MTDH: variants seen among roughly 807,000 people sequenced by gnomAD.
The protein encoded by MTDH is metadherin, also known as protein LYRIC.
MTDH carries 34 observed loss-of-function variants against 72.7 expected under a neutral mutation model. The ratio of observed to expected loss-of-function variants is 0.47; its 90% CI spans 0.36 to 0.62. MTDH has a LOEUF of 0.62. Among genes scored for constraint, MTDH ranks in the 20% least tolerant of loss-of-function variants. The pLI is 0.00. For missense variants in MTDH, 677 were observed against 699.4 expected, an observed-to-expected ratio of 0.97 and a Z score of 0.36; for synonymous variants, 266 against 268.9, an observed-to-expected ratio of 0.99 and a Z score of 0.10.
At chr8:97,676,174 A>G (rs547838170) in intron 2 of MTDH, among the ~76,000 whole-genome samples, 3 of 152,258 alleles carry the variant, frequency 2.0e-5, no homozygotes, top group East Asian at 1.9e-4. Context: ...TCCTGGATGC[A>G]TGTGTTCCTC....
intron 2 of MTDH, among the ~76,000 whole-genome samples, chr8:97,665,219 C>T (rs1029711819): frequency 1.3e-5 from 2 of 152,082 alleles, no homozygotes; most frequent in African/African-American, 4.8e-5. Context: ...TATTGATTAC[C>T]TTGCCATATC....
Position 97,723,049 on chromosome 8 carries a change from A to AT in MTDH, c.1678+20dup. On this transcript the variant is annotated intron_variant, in intron 11 of 11. Coordinates refer to ENST00000336273, the MANE Select transcript of MTDH (RefSeq NM_178812.4). ...CTCCTTCACAGAGTAAGTAATCCTC[A>AT]TTTTTTGTTCCTTTGTACTGTTTAC... is the stretch of plus-strand genomic sequence containing the variant. The AT allele has an allele frequency of 6.2e-7, 1 of 1,611,108 alleles. No individual in the cohort carries two copies. Among genetic ancestry groups the AT allele is most frequent in the South Asian group, 1.1e-5 (1 of 90,604 alleles).
Position 97,687,517 on chromosome 8 carries a change from A to G in MTDH, c.657A>G (p.Ser219=). The G allele has an allele frequency of 1.2e-6, 2 of 1,613,746 alleles. No individual in the cohort carries two copies. The highest frequency in any genetic ancestry group is 1.7e-6 in the Non-Finnish European group (2 of 1,179,786). ...TGACTGATTCTGGTTCATTGGATTC[A>G]ACTATCCCTGGGATAGAAAATACCA... is the stretch of plus-strand genomic sequence containing the variant. ...KVLTDSGSLD[S]TIPGIENTIT... is the part of the protein sequence containing the mutation. The change falls in exon 4 of 12, where the codon TCA becomes TCG. Residue 219 remains serine, a synonymous_variant. Transcript: ENST00000336273.
chr8:97,675,946 T>G (rs1277510169), intron 2 of MTDH, among the ~76,000 whole-genome samples: 2 of 151,808 alleles, frequency 1.3e-5, no homozygotes, highest in African/African-American at 2.4e-5. Context: ...TAGGTTTTTT[T>G]TTTTTTTTTT....
chr8:97,677,004 CA>C (rs57430782), intron 2 of MTDH, among the ~76,000 whole-genome samples: 288 of 23,308 alleles, frequency 0.012, 6 homozygotes, highest in Admixed American at 0.021. Flanking sequence ...GACTCTATCT[CA>C]AAAAAAAAAA....
intron 2 of MTDH, among the ~76,000 whole-genome samples, chr8:97,679,048 T>C (rs963133900): frequency 6.6e-6 from 1 of 152,160 alleles, no homozygotes; most frequent in Non-Finnish European, 1.5e-5. Context: ...AAAAATAGCC[T>C]AACAGCCCAG....
chr8:97,671,520 A>G (rs1221766520), intron 2 of MTDH, among the ~76,000 whole-genome samples: 1 of 152,140 alleles, frequency 6.6e-6, no homozygotes, highest in African/African-American at 2.4e-5. Context: ...ATAAATTAAT[A>G]TATCTAAACA....
chr8:97,704,145 GT>G (rs1814252212), intron 7 of MTDH, among the ~76,000 whole-genome samples: 3 of 152,054 alleles, frequency 2.0e-5, no homozygotes, highest in Admixed American at 2.0e-4. Context: ...AAATTCTTAT[GT>G]TGTCTCTCCC....
At chr8:97,696,603 A>G (rs757306749) in intron 6 of MTDH, among the ~76,000 whole-genome samples, 3 of 152,208 alleles carry the variant, frequency 2.0e-5, no homozygotes, top group Non-Finnish European at 4.4e-5. Context: ...TAGTCCTGCC[A>G]TACTTTTAGT....
intron 2 of MTDH, among the ~76,000 whole-genome samples, chr8:97,672,535 A>G (rs1812666202): frequency 6.6e-6 from 1 of 152,218 alleles, no homozygotes; most frequent in African/African-American, 2.4e-5. Context: ...AGAATACCAT[A>G]CCAGGAAAAC....
At chr8:97,716,082 A>G (rs1220431008) in intron 9 of MTDH, among the ~76,000 whole-genome samples, 1 of 152,168 alleles carries the variant, frequency 6.6e-6, no homozygotes, top group Non-Finnish European at 1.5e-5. Context: ...CATAGCACAT[A>G]TATCCTATTA....
intron 2 of MTDH, among the ~76,000 whole-genome samples, chr8:97,682,182 CTAT>C (rs1261744810): frequency 8.7e-6 from 1 of 114,892 alleles, no homozygotes; most frequent in African/African-American, 3.4e-5. Flanking sequence ...TTTTCATAAG[CTAT>C]TATTTTATTT....
chr8:97,700,244 G>T (rs956249555), intron 7 of MTDH, among the ~76,000 whole-genome samples: 1 of 151,772 alleles, frequency 6.6e-6, no homozygotes, highest in Non-Finnish European at 1.5e-5. Flanking sequence ...TAACCCAGTT[G>T]CCAGTAGAAG....
chr8:97,720,361 G>C lies in MTDH; in HGVS notation c.1521+1172G>C, dbSNP rs1289455869. Among the ~76,000 whole-genome samples, 4 of 151,708 alleles carry C rather than the reference G, an allele frequency of 2.6e-5. No individual in the cohort carries two copies. In the South Asian group the frequency reaches 8.3e-4, roughly 32 times the overall value. ...GGAGGCCAAGGCAGGAGGATCACTT[G>C]AGTCCAGGAGTTTGAGACCAGCCTG... On this transcript the variant is annotated intron_variant, in intron 10 of 11. Coordinates refer to ENST00000336273, the MANE Select transcript of MTDH (RefSeq NM_178812.4).
intron 2 of MTDH, among the ~76,000 whole-genome samples, chr8:97,667,370 A>G (rs1812434742): frequency 6.6e-6 from 1 of 152,272 alleles, no homozygotes; most frequent in Admixed American, 6.5e-5. Context: ...TAGCTTTATT[A>G]AATCTTTATT....
intron 2 of MTDH, 102 bp downstream of exon 2, chr8:97,661,275 T>G: frequency 3.8e-6 from 3 of 787,768 alleles, no homozygotes; most frequent in Non-Finnish European, 5.8e-6. Context: ...TACCTCTCAT[T>G]TAAACAAAAC....
In MTDH at chr8:97,728,246, A is replaced by T. The variant is rs921737662; in HGVS notation, c.*3576A>T. The T allele has an allele frequency of 6.6e-6, 1 of 152,194 alleles. No individual in the cohort carries two copies. Among genetic ancestry groups the T allele is most frequent in the Admixed American group, 6.5e-5 (1 of 15,270 alleles). The allele number at this position is 152,194 out of a possible 1,614,324, so 9.4% of individuals were successfully genotyped here. ...ATAAGATGCATTGAGTATTGTAAAT[A>T]AAACAAACCATTTTTGATTTGTTTA... On this transcript the variant is annotated 3_prime_UTR_variant, in exon 12 of 12. Transcript: ENST00000336273.
At chr8:97,669,774 G>A (rs552107660) in intron 2 of MTDH, among the ~76,000 whole-genome samples, 1 of 152,028 alleles carries the variant, frequency 6.6e-6, no homozygotes, top group South Asian at 2.1e-4. Flanking sequence ...AAATTAGCTG[G>A]GCATGATGGC....
chr8:97,697,388 T>G (rs1233183431), intron 6 of MTDH, among the ~76,000 whole-genome samples: 3 of 129,104 alleles, frequency 2.3e-5, no homozygotes, highest in East Asian at 2.2e-4. Context: ...TCGGTTTTTT[T>G]TTTTTTTTTT....
Sources: allele counts gnomAD v4.1 joint callset (sites outside exome capture counted in the v4.1 genomes callset), GRCh38; gene constraint gnomAD v4.1.1; transcripts MANE v1.5; gene names NCBI Gene and HGNC (gene_info 2026-07-23, HGNC 2026-07-21).